Variants in ZFHX3 observed in about 807,000 individuals in gnomAD.
ZFHX3 encodes the protein zinc finger homeobox protein 3.
A neutral mutation model predicts 279.1 loss-of-function variants in ZFHX3; 42 were observed. The ratio of observed to expected loss-of-function variants is 0.15; its 90% confidence interval spans 0.12 to 0.19. The LOEUF is 0.19. Among genes scored for constraint, ZFHX3 ranks in the 10% least tolerant of loss-of-function variants. The probability of loss-of-function intolerance (pLI) is 1.00; values close to 1 mark genes in which losing one functional copy is unlikely to be tolerated. For synonymous variants in ZFHX3, 2,293 were observed against 1,957.8 expected, an observed-to-expected ratio of 1.17 and a Z score of -4.52; for missense variants, 4,981 against 4,754.0, an observed-to-expected ratio of 1.05 and a Z score of -1.40.
chr16:73,119,258 T>C (rs1453694424), intron 7 of ZFHX3, among the ~76,000 whole-genome samples: 1 of 151,934 alleles, frequency 6.6e-6, no homozygotes, highest in African/African-American at 2.4e-5. Context: ...TGCATGCCAC[T>C]ATGCCCAGCT....
At chr16:72,872,593 G>A (rs1027329522) in intron 4 of ZFHX3, among the ~76,000 whole-genome samples, 1 of 152,138 alleles carries the variant, frequency 6.6e-6, no homozygotes, top group Non-Finnish European at 1.5e-5. Context: ...GAGTACCTGA[G>A]ACTACAGGCA....
chr16:73,023,740 A>G (rs1597104072), intron 1 of ZFHX3, among the ~76,000 whole-genome samples: 2 of 152,194 alleles, frequency 1.3e-5, no homozygotes, highest in South Asian at 4.1e-4. Context: ...CAAAGGCTTC[A>G]TGTCATCTTG....
intron 2 of ZFHX3, among the ~76,000 whole-genome samples, chr16:73,611,309 C>T (rs1037486513): frequency 2.0e-5 from 3 of 152,094 alleles, no homozygotes; most frequent in African/African-American, 7.2e-5. Context: ...TCACTGACTC[C>T]TGAGGGCTTT....
intron 1 of ZFHX3, chr16:73,005,785 G>T (rs572792707): frequency 6.6e-6 from 1 of 151,056 alleles, no homozygotes; most frequent in East Asian, 1.9e-4. Context: ...GCGAGACTCC[G>T]TCTCAAAAAA....
At chr16:73,475,430 T>C (rs1482433478) in intron 2 of ZFHX3, among the ~76,000 whole-genome samples, 2 of 152,200 alleles carry the variant, frequency 1.3e-5, no homozygotes, top group Non-Finnish European at 2.9e-5. Context: ...GTTTAGCATG[T>C]ATTTTATTTT....
intron 4 of ZFHX3, among the ~76,000 whole-genome samples, chr16:73,315,901 T>G (rs2015436512): frequency 6.6e-6 from 1 of 152,190 alleles, no homozygotes; most frequent in Admixed American, 6.5e-5. Context: ...AAGAAGGTGT[T>G]GCTACTAAAG....
At chr16:73,671,862 A>C (rs2052907316) in intron 2 of ZFHX3, among the ~76,000 whole-genome samples, 1 of 152,206 alleles carries the variant, frequency 6.6e-6, no homozygotes, top group Non-Finnish European at 1.5e-5. Flanking sequence ...CTCTCTATAA[A>C]TACATACATT....
intron 3 of ZFHX3, among the ~76,000 whole-genome samples, chr16:73,377,849 C>T (rs1489184167): frequency 2.0e-5 from 3 of 151,276 alleles, no homozygotes; most frequent in South Asian, 2.1e-4. Context: ...CTGGCTAACA[C>T]GGTGAAACTC....
chr16:72,908,506 G>A (rs1015081402), intron 3 of ZFHX3, among the ~76,000 whole-genome samples: 6 of 152,216 alleles, frequency 3.9e-5, no homozygotes, highest in African/African-American at 1.2e-4. Flanking sequence ...TCCTAGGACT[G>A]ACTACACAAA....
At chr16:73,068,600 C>G (rs1368992071) in intron 8 of ZFHX3, among the ~76,000 whole-genome samples, 1 of 152,190 alleles carries the variant, frequency 6.6e-6, no homozygotes, top group Non-Finnish European at 1.5e-5. Context: ...AAGTTCATAC[C>G]AGGCCTTTTT....
At chr16:73,725,221 A>T (rs116683445) in intron 1 of ZFHX3, among the ~76,000 whole-genome samples, 1 of 152,206 alleles carries the variant, frequency 6.6e-6, no homozygotes, top group Non-Finnish European at 1.5e-5. Context: ...AAGATTTTTA[A>T]AAAGGCTTTT....
intron 5 of ZFHX3, among the ~76,000 whole-genome samples, chr16:73,227,294 T>C (rs925931638): frequency 2.0e-5 from 3 of 152,300 alleles, no homozygotes; most frequent in Non-Finnish European, 2.9e-5. Flanking sequence ...TAGCAAAGAA[T>C]CAAATCCCCG....
chr16:72,871,237 G>A (rs963630817), intron 4 of ZFHX3, among the ~76,000 whole-genome samples: 10 of 152,016 alleles, frequency 6.6e-5, no homozygotes, highest in African/African-American at 9.7e-5. Context: ...GTGCAATGGC[G>A]CAATCTTGGC....
At chr16:73,722,195 A>G (rs781248780) in intron 1 of ZFHX3, among the ~76,000 whole-genome samples, 6 of 152,230 alleles carry the variant, frequency 3.9e-5, no homozygotes, top group Non-Finnish European at 7.3e-5. Context: ...CATGGAACCT[A>G]CATCCTAATG....
intron 2 of ZFHX3, among the ~76,000 whole-genome samples, chr16:73,513,770 C>T (rs763708999): frequency 8.5e-5 from 13 of 152,068 alleles, no homozygotes; most frequent in Non-Finnish European, 1.3e-4. Context: ...AAGAGACTTA[C>T]GGATGGACTT....
chr16:72,850,223 A>T (rs1011421223), intron 4 of ZFHX3, among the ~76,000 whole-genome samples: 6 of 152,184 alleles, frequency 3.9e-5, no homozygotes, highest in Middle Eastern at 3.2e-3. Context: ...AGTCACACCT[A>T]CTGTCACACC....
chr16:73,414,198 G>A (rs760064165), intron 3 of ZFHX3, among the ~76,000 whole-genome samples: 26 of 152,166 alleles, frequency 1.7e-4, no homozygotes, highest in Non-Finnish European at 3.2e-4. Context: ...CTCCTTTTAG[G>A]TTACCTCTAG....
chr16:73,448,621 GA>G (rs1415187479), intron 3 of ZFHX3, among the ~76,000 whole-genome samples: 2 of 151,098 alleles, frequency 1.3e-5, no homozygotes, highest in Non-Finnish European at 2.9e-5. Flanking sequence ...GACTGCGACA[GA>G]AAAAAATCAT....
intron 4 of ZFHX3, among the ~76,000 whole-genome samples, chr16:72,835,492 T>C (rs1373035618): frequency 6.6e-6 from 1 of 152,230 alleles, no homozygotes; most frequent in East Asian, 1.9e-4. Flanking sequence ...CAAGTTTTAA[T>C]TGTATATAGG....
Sources: gnomAD v4.1 joint callset for allele counts (sites outside exome capture counted in the v4.1 genomes callset) on GRCh38, gnomAD v4.1.1 for gene constraint, MANE v1.5 for transcripts, NCBI Gene and HGNC (gene_info 2026-07-23, HGNC 2026-07-21) for gene names.